The following KSR1 variants were observed in gnomAD, a reference collection of about 807,000 sequenced individuals.
The protein encoded by KSR1 is kinase suppressor of ras 1.
In KSR1, 35 loss-of-function variants were observed where a neutral mutation model predicts 92.9. The ratio of observed to expected loss-of-function variants is 0.38; its 90% confidence interval spans 0.29 to 0.50. KSR1 has a LOEUF of 0.50. Among genes scored for constraint, KSR1 ranks in the 20% least tolerant of loss-of-function variants. The probability of loss-of-function intolerance (pLI) is 0.94; values close to 1 mark genes in which losing one functional copy is unlikely to be tolerated. For missense variants in KSR1, 972 were observed against 1,158.5 expected (o/e 0.84, Z 2.34); for synonymous variants, 467 against 472.6 (o/e 0.99, Z 0.15).
chr17:27,464,838 T>C (rs1215930493), intron 1 of KSR1, among the ~76,000 whole-genome samples: 1 of 151,888 alleles, frequency 6.6e-6, no homozygotes, highest in Non-Finnish European at 1.5e-5. Context: ...TTTAATCTAG[T>C]GCACAGGTGT....
chr17:27,492,207 A>G (rs1182754209), intron 1 of KSR1, among the ~76,000 whole-genome samples: 2 of 152,192 alleles, frequency 1.3e-5, no homozygotes, highest in African/African-American at 4.8e-5. Context: ...GCTCTAGGAA[A>G]GTAATTTTAA....
chr17:27,480,967 C>T (rs1170185820), intron 1 of KSR1, among the ~76,000 whole-genome samples: 3 of 152,164 alleles, frequency 2.0e-5, no homozygotes, highest in Admixed American at 6.5e-5. Context: ...ATTAAGGTTT[C>T]AGTAACACTC....
intron 1 of KSR1, among the ~76,000 whole-genome samples, chr17:27,486,147 G>T (rs538342272): frequency 6.6e-6 from 1 of 152,344 alleles, no homozygotes; most frequent in Non-Finnish European, 1.5e-5. Flanking sequence ...GATTTTTGCT[G>T]CAAGCAAAAC....
intron 20 of KSR1, chr17:27,621,804 C>G: frequency 1.1e-6 from 1 of 887,154 alleles, no homozygotes; most frequent in South Asian, 1.5e-5. Flanking sequence ...ATGGCCCTTT[C>G]TCTCTGGAAG....
In KSR1 at chr17:27,617,376, C is replaced by G; in HGVS notation, c.2575C>G (p.Pro859Ala). 6.2e-7 allele frequency: 1 copy of G among 1,612,946 alleles called. No individual in the cohort carries two copies. Among genetic ancestry groups the G allele is most frequent in the Non-Finnish European group, 8.5e-7 (1 of 1,179,306 alleles). ...SLLMDMLEKLPKLNRRLSHPG... is the reference protein window; with the variant it reads ...SLLMDMLEKLAKLNRRLSHPG... ...GCTGATGGACATGCTGGAGAAACTTCCCAAGCTGAACCGGCGGCTCTCCCA... is the reference window on the plus strand; with the variant it reads ...GCTGATGGACATGCTGGAGAAACTTGCCAAGCTGAACCGGCGGCTCTCCCA... Residue 859 changes from proline (P) to alanine (A), a missense_variant, in exon 19 of 21, where the codon CCC becomes GCC. By Grantham distance (27) the Pro-to-Ala change is conservative (BLOSUM62 -1). Coordinates refer to ENST00000644974, the MANE Select transcript of KSR1 (RefSeq NM_001394583.1).
chr17:27,532,700 ACT>A (rs1263737925), intron 1 of KSR1, among the ~76,000 whole-genome samples: 5 of 151,718 alleles, frequency 3.3e-5, no homozygotes, highest in Admixed American at 3.3e-4. Flanking sequence ...GAGCTGGTGG[ACT>A]CTCTCCCAGG....
chr17:27,582,845 C>G lies in KSR1; in HGVS notation c.720C>G (p.Thr240=). 6.2e-7 allele frequency: 1 copy of G among 1,613,434 alleles called. No individual in the cohort carries two copies. The highest frequency in any genetic ancestry group is 8.5e-7 in the Non-Finnish European group (1 of 1,179,634). Residue 240 remains threonine, a synonymous_variant, in exon 4 of 21, where the codon ACC becomes ACG. Transcript: ENST00000644974. ...CTCTGCCCGCCTCAGACTCCCCCAC[C>G]CCCAGCTTCAGTGAGGGCCTCTCAG... ...VSALPASDSP[T]PSFSEGLSDT...
Position 27,625,313 on chromosome 17 carries a change from T to G in KSR1, c.*1921T>G, listed in dbSNP as rs2074317657. Reference sequence around the variant, plus strand: ...CCTGACCCCTGACACCAGGCCGCAGTGGGCATGCACAGGCCCACAGAAAGT... The same window carrying G: ...CCTGACCCCTGACACCAGGCCGCAGGGGGCATGCACAGGCCCACAGAAAGT... On this transcript the variant is annotated 3_prime_UTR_variant, in exon 21 of 21. Transcript: ENST00000644974. 6.6e-6 allele frequency: 1 copy of G among 152,278 alleles called. No individual in the cohort carries two copies. The highest frequency in any genetic ancestry group is 1.5e-5 in the Non-Finnish European group (1 of 68,056). 9.4% of individuals were successfully genotyped at this position (152,278 alleles called of 1,614,324 possible). A position where few individuals can be genotyped will look rare whatever the true frequency, so the allele number is the denominator to read the frequency against.
chr17:27,606,761 G>A (rs557021907), intron 14 of KSR1, among the ~76,000 whole-genome samples: 36 of 148,930 alleles, frequency 2.4e-4, no homozygotes, highest in Admixed American at 2.3e-3. Flanking sequence ...TGGTGGTCCC[G>A]TAATTTATTT....
At chr17:27,539,222 G>T (rs2070869478) in intron 1 of KSR1, among the ~76,000 whole-genome samples, 1 of 152,182 alleles carries the variant, frequency 6.6e-6, no homozygotes, top group African/African-American at 2.4e-5. Context: ...TTGAGCTGAG[G>T]GGGTAAACTA....
intron 1 of KSR1, among the ~76,000 whole-genome samples, chr17:27,463,321 G>T (rs1446751658): frequency 6.6e-6 from 1 of 152,112 alleles, no homozygotes; most frequent in Non-Finnish European, 1.5e-5. Context: ...ACCAGCCTGG[G>T]CAACATGGTA....
At chr17:27,558,601 G>A (rs1384729217) in intron 2 of KSR1, among the ~76,000 whole-genome samples, 1 of 152,096 alleles carries the variant, frequency 6.6e-6, no homozygotes, top group East Asian at 1.9e-4. Context: ...AATACTTACT[G>A]GGTGAAGGAA....
intron 9 of KSR1, among the ~76,000 whole-genome samples, chr17:27,593,538 G>A (rs1598105067): frequency 6.6e-6 from 1 of 152,206 alleles, no homozygotes; most frequent in African/African-American, 2.4e-5. Flanking sequence ...ATTCATACTG[G>A]GGACCCTGAA....
chr17:27,464,940 TAA>T (rs111417449), intron 1 of KSR1, among the ~76,000 whole-genome samples: 9 of 134,146 alleles, frequency 6.7e-5, no homozygotes, highest in Admixed American at 1.5e-4. Context: ...CTGATGAGCT[TAA>T]AAAAAAAAAA....
chr17:27,512,947 G>C (rs1254502910), intron 1 of KSR1, among the ~76,000 whole-genome samples: 2 of 152,140 alleles, frequency 1.3e-5, no homozygotes, highest in Non-Finnish European at 2.9e-5. Flanking sequence ...GAGGCTCCCT[G>C]ATCATGACCT....
intron 2 of KSR1, among the ~76,000 whole-genome samples, chr17:27,576,132 G>A (rs1337812757): frequency 6.6e-6 from 1 of 152,126 alleles, no homozygotes; most frequent in Non-Finnish European, 1.5e-5. Flanking sequence ...TCACGCTTCA[G>A]GTCTCTTGAC....
intron 1 of KSR1, among the ~76,000 whole-genome samples, chr17:27,462,077 A>T (rs538741293): frequency 1.1e-4 from 17 of 152,298 alleles, no homozygotes; most frequent in Non-Finnish European, 1.9e-4. Context: ...TAGGGGAATG[A>T]TCTTGGAGTA....
intron 1 of KSR1, among the ~76,000 whole-genome samples, chr17:27,541,886 C>A (rs1032222076): frequency 6.6e-6 from 1 of 152,232 alleles, no homozygotes; most frequent in Non-Finnish European, 1.5e-5. Flanking sequence ...GACTCGATGG[C>A]AGGCATGCAG....
At chr17:27,587,287 A>G (rs1383608905) in intron 5 of KSR1, 1 of 152,180 alleles carries the variant, frequency 6.6e-6, no homozygotes, top group Admixed American at 6.5e-5. Context: ...GGTGAGATAG[A>G]TTGTTCCTAT....
Sources: allele counts gnomAD v4.1 joint callset (sites outside exome capture counted in the v4.1 genomes callset), GRCh38; gene constraint gnomAD v4.1.1; transcripts MANE v1.5; gene names NCBI Gene and HGNC (gene_info 2026-07-23, HGNC 2026-07-21).